NCKAP5: variants seen among roughly 807,000 people sequenced by gnomAD.
The protein encoded by NCKAP5 is NCK associated protein 5.
NCKAP5 carries 92 observed loss-of-function variants against 167.0 expected under a neutral mutation model. That is an observed-to-expected ratio of 0.55 (90% CI 0.47 to 0.66). NCKAP5 has a LOEUF of 0.66. Ranked by LOEUF, NCKAP5 falls within the 30% of genes least tolerant of loss-of-function variation. The pLI is 0.00. For synonymous variants in NCKAP5, 891 were observed against 877.4 expected (o/e 1.02, Z -0.27); for missense variants, 2,378 against 2,315.0 (o/e 1.03, Z -0.56).
chr2:133,086,968 TA>T (rs1345936471), intron 6 of NCKAP5, among the ~76,000 whole-genome samples: 13 of 152,184 alleles, frequency 8.5e-5, no homozygotes, highest in African/African-American at 3.1e-4. Context: ...AGTAAATTTT[TA>T]AAAATCTAGA....
chr2:133,413,873 T>C lies in NCKAP5; in HGVS notation c.69+103585A>G, dbSNP rs1472976615. 2.6e-5 allele frequency among the ~76,000 whole-genome samples: 4 copies of C among 152,340 alleles called. No individual in the cohort carries two copies. The East Asian group carries it at 7.7e-4, about 29-fold the overall frequency. On this transcript the variant is annotated intron_variant, in intron 3 of 19. Coordinates refer to ENST00000409261, the MANE Select transcript of NCKAP5 (RefSeq NM_207363.3). The stretch of plus-strand genomic sequence containing the variant: ...TTATTTGTCTGGTCCCAATGGACAT[T>C]AGATTTTTCTGTTTTTCTATATAGA...
chr2:132,876,646 G>T (rs1691303903), intron 9 of NCKAP5, among the ~76,000 whole-genome samples: 1 of 152,162 alleles, frequency 6.6e-6, no homozygotes, highest in South Asian at 2.1e-4. Context: ...GTGTAATCAG[G>T]GGTCAGTATT....
At chr2:133,653,411 C>T in the NCKAP5 span, among the ~76,000 whole-genome samples, 1 of 152,218 alleles carries the variant, frequency 6.6e-6, no homozygotes, top group African/African-American at 2.4e-5. Flanking sequence ...TCCTTTTCTT[C>T]CCTACAGAGA....
rs200331189 is a variant in NCKAP5, at chr2:132,785,472, T to C, written c.1339A>G (p.Lys447Glu). 1.3e-5 allele frequency: 21 copies of C among 1,613,232 alleles called. No individual in the cohort carries two copies. In the Admixed American group the frequency reaches 2.2e-4, roughly 17 times the overall value. Reference protein sequence around the residue: ...YSPGIKSSSLKEYPPCKTADL... With the variant: ...YSPGIKSSSLEEYPPCKTADL... Reference sequence around the variant, plus strand: ...GCTGTTTTGCAGGGGGGATACTCCTTGAGGCTGCTACTTTTAATTCCAGGA... The same window carrying C: ...GCTGTTTTGCAGGGGGGATACTCCTCGAGGCTGCTACTTTTAATTCCAGGA... Residue 447 changes from lysine (K) to glutamate (E), a missense_variant, in exon 14 of 20, where the codon AAG becomes GAG. This residue lies in a region of NCKAP5 where 1,049 missense variants were observed against 1,023.4 expected (regional missense o/e 1.02). Coordinates refer to ENST00000409261, the MANE Select transcript of NCKAP5 (RefSeq NM_207363.3).
At chr2:133,443,678 C>T (rs1361956076) in intron 3 of NCKAP5, among the ~76,000 whole-genome samples, 1 of 152,192 alleles carries the variant, frequency 6.6e-6, no homozygotes, top group African/African-American at 2.4e-5. Flanking sequence ...CCATCAACTG[C>T]AGCTCCAGCT....
At chr2:133,473,319 G>A (rs752630651) in intron 3 of NCKAP5, among the ~76,000 whole-genome samples, 56 of 150,582 alleles carry the variant, frequency 3.7e-4, no homozygotes, top group Admixed American at 1.8e-3. Context: ...GCGACAGAGC[G>A]AGACTCCGTC....
intron 3 of NCKAP5, among the ~76,000 whole-genome samples, chr2:133,458,640 A>G (rs1267908028): frequency 6.6e-6 from 1 of 152,104 alleles, no homozygotes. Context: ...GTAAGCCCCC[A>G]AGAAAGGAAA....
rs139623618 is a variant in NCKAP5, at chr2:132,828,278, G to A, written c.808-31549C>T. On this transcript the variant is annotated intron_variant, in intron 11 of 19. Coordinates refer to ENST00000409261, the MANE Select transcript of NCKAP5 (RefSeq NM_207363.3). ...AGGCACTGATATGGTTTGGATTTGT[G>A]TCCCTGCCCAAACCTCATGTTGAAG... 3.6e-3 allele frequency among the ~76,000 whole-genome samples: 550 copies of A among 152,280 alleles called. 3 individuals carry two copies. Among genetic ancestry groups the A allele is most frequent in the Non-Finnish European group, 5.2e-3 (351 of 68,022 alleles).
intron 6 of NCKAP5, among the ~76,000 whole-genome samples, chr2:133,014,340 G>C (rs76780767): frequency 0.054 from 8,162 of 151,964 alleles, 667 homozygotes; most frequent in African/African-American, 0.18. Context: ...ATTTTCCCTC[G>C]TAGAATGTGA....
At chr2:133,189,244 A>G (rs1016201651) in intron 5 of NCKAP5, among the ~76,000 whole-genome samples, 2 of 152,190 alleles carry the variant, frequency 1.3e-5, no homozygotes, top group African/African-American at 4.8e-5. Flanking sequence ...GAAGAAGTTG[A>G]ATCTCTGAAT....
intron 3 of NCKAP5, among the ~76,000 whole-genome samples, chr2:133,424,953 T>C (rs1249958374): frequency 6.6e-6 from 1 of 152,232 alleles, no homozygotes; most frequent in East Asian, 1.9e-4. Context: ...ATTGTTGTAA[T>C]TGATGTTTTC....
chr2:133,432,153 G>C (rs1395703763), intron 3 of NCKAP5, among the ~76,000 whole-genome samples: 4 of 152,044 alleles, frequency 2.6e-5, no homozygotes, highest in Non-Finnish European at 5.9e-5. Flanking sequence ...ACTTTGAAGA[G>C]GAAACATCAT....
intron 3 of NCKAP5, among the ~76,000 whole-genome samples, chr2:133,329,033 T>C (rs563782496): frequency 6.6e-6 from 1 of 152,342 alleles, no homozygotes; most frequent in South Asian, 2.1e-4. Context: ...AGGAGGTGTT[T>C]AGAGTTTCCT....
chr2:133,280,917 C>A (rs1230050546), intron 4 of NCKAP5, among the ~76,000 whole-genome samples: 2 of 152,058 alleles, frequency 1.3e-5, no homozygotes, highest in Non-Finnish European at 2.9e-5. Context: ...GTGTGCTGAC[C>A]CTGCTACAGA....
intron 16 of NCKAP5, among the ~76,000 whole-genome samples, chr2:132,760,704 T>A (rs1211503889): frequency 3.3e-5 from 5 of 152,154 alleles, no homozygotes; most frequent in African/African-American, 1.2e-4. Flanking sequence ...TGAGAGAGGA[T>A]TTGAGATGGG....
chr2:133,240,005 T>G (rs143128055), intron 4 of NCKAP5, among the ~76,000 whole-genome samples: 25 of 152,296 alleles, frequency 1.6e-4, no homozygotes, highest in African/African-American at 5.1e-4. Context: ...GAAATCATAT[T>G]TTCTCAAATC....
intron 19 of NCKAP5, among the ~76,000 whole-genome samples, chr2:132,710,592 G>T (rs527844802): frequency 6.6e-6 from 1 of 152,248 alleles, no homozygotes; most frequent in South Asian, 2.1e-4. Context: ...ATTTAAAGAA[G>T]CGGGGGAAAA....
chr2:132,866,406 CA>C (rs928165656), intron 10 of NCKAP5, among the ~76,000 whole-genome samples: 88 of 152,194 alleles, frequency 5.8e-4, no homozygotes, highest in African/African-American at 1.9e-3. Flanking sequence ...TTGGAGGCAT[CA>C]AAGGAAGAAA....
At chr2:132,907,501 T>A (rs1010944034) in intron 8 of NCKAP5, among the ~76,000 whole-genome samples, 1 of 152,180 alleles carries the variant, frequency 6.6e-6, no homozygotes, top group Non-Finnish European at 1.5e-5. Flanking sequence ...CATTTTCCTC[T>A]TTGTAGGTGG....
Sources: gnomAD v4.1 joint callset for allele counts (sites outside exome capture counted in the v4.1 genomes callset) on GRCh38, gnomAD v4.1.1 for gene constraint, gnomAD v4.1.1 regional missense constraint, MANE v1.5 for transcripts, NCBI Gene and HGNC (gene_info 2026-07-23, HGNC 2026-07-21) for gene names.